Variants in CD28 observed in about 807,000 individuals in gnomAD.
The protein encoded by CD28 is T-cell-specific surface glycoprotein CD28.
A neutral mutation model predicts 21.4 loss-of-function variants in CD28; 8 were observed. That is an observed-to-expected ratio of 0.37 (90% CI 0.22 to 0.68). The LOEUF (loss-of-function observed/expected upper bound fraction) is 0.68, where lower values mean the gene tolerates loss of function less well. Among genes scored for constraint, CD28 ranks in the 30% least tolerant of loss-of-function variants. CD28 has a pLI of 0.55. For missense variants in CD28, 239 were observed against 272.2 expected (o/e 0.88, Z 0.86); for synonymous variants, 106 against 104.0 (o/e 1.02, Z -0.12).
At chr2:203,706,774 C>A in intron 1 of CD28, 26 bp downstream of exon 1, 1 of 1,547,392 alleles carries the variant, frequency 6.5e-7, no homozygotes, top group Non-Finnish European at 8.9e-7. Context: ...GTCTTTCTTT[C>A]TGTAAATATT....
Position 203,734,843 on chromosome 2 carries a change from C to A in CD28, c.594C>A (p.Arg198=), listed in dbSNP as rs1418317040. Residue 198 remains arginine (R), a synonymous_variant, in exon 4 of 4, where the codon CGC becomes CGA. Transcript: ENST00000324106. Reference sequence around the variant, plus strand: ...ACTACATGAACATGACTCCCCGCCGCCCCGGGCCCACCCGCAAGCATTACC... The same window carrying A: ...ACTACATGAACATGACTCCCCGCCGACCCGGGCCCACCCGCAAGCATTACC... ...HSDYMNMTPR[R]PGPTRKHYQP... 8.7e-6 allele frequency: 14 copies of A among 1,614,174 alleles called. No individual in the cohort carries two copies. The highest frequency in any genetic ancestry group is 1.0e-5 in the Non-Finnish European group (12 of 1,180,012).
chr2:203,723,282 T>G (rs768000342), intron 1 of CD28, among the ~76,000 whole-genome samples: 2 of 151,710 alleles, frequency 1.3e-5, no homozygotes, highest in African/African-American at 4.8e-5. Context: ...AGGTCAGGAG[T>G]TTGAGACCAG....
chr2:203,731,537 T>C (rs1482965944), intron 3 of CD28, among the ~76,000 whole-genome samples: 1 of 152,206 alleles, frequency 6.6e-6, no homozygotes, highest in Non-Finnish European at 1.5e-5. Flanking sequence ...ATTTACTAGC[T>C]CTGCAGAAAG....
intron 1 of CD28, among the ~76,000 whole-genome samples, chr2:203,718,100 C>T (rs779057334): frequency 6.6e-6 from 1 of 152,132 alleles, no homozygotes; most frequent in Non-Finnish European, 1.5e-5. Context: ...GTGAAAGGTG[C>T]TACAGTCTGG....
intron 1 of CD28, among the ~76,000 whole-genome samples, chr2:203,710,808 C>T (rs565317452): frequency 7.9e-5 from 12 of 152,264 alleles, no homozygotes; most frequent in African/African-American, 1.7e-4. Context: ...AATCAGAGGA[C>T]GGACACTCCT....
chr2:203,726,453 A>G (rs1406438162), intron 1 of CD28, among the ~76,000 whole-genome samples, 180 bp from the exon 2 acceptor site: 5 of 152,202 alleles, frequency 3.3e-5, no homozygotes, highest in African/African-American at 9.7e-5. Context: ...TGAAAATAAT[A>G]TTGAAATGTT....
Position 203,737,594 on chromosome 2 carries a change from T to C in CD28, c.*2682T>C, listed in dbSNP as rs1291578764. 6.6e-6 allele frequency: 1 copy of C among 152,636 alleles called. No homozygotes were observed. The highest frequency in any genetic ancestry group is 1.5e-5 in the Non-Finnish European group (1 of 68,046). 9.5% of individuals were successfully genotyped at this position (152,636 alleles called of 1,614,324 possible). ...CAGGGAAGTCCGTTTTCACTATTAG[T>C]ATGAACCAAGAAATGGTTCAAAAAC... On this transcript the variant is annotated 3_prime_UTR_variant, in exon 4 of 4. Coordinates refer to ENST00000324106, the MANE Select transcript of CD28 (RefSeq NM_006139.4).
chr2:203,728,078 G>A (rs904506648), intron 2 of CD28, among the ~76,000 whole-genome samples: 2 of 152,180 alleles, frequency 1.3e-5, no homozygotes, highest in South Asian at 2.1e-4. Context: ...CCAAAGTGCT[G>A]TGATTACAGG....
chr2:203,727,754 A>G (rs1693792254), intron 2 of CD28, among the ~76,000 whole-genome samples: 1 of 151,498 alleles, frequency 6.6e-6, no homozygotes, highest in South Asian at 2.1e-4. Context: ...ATCTCGGCTC[A>G]CTGCAAGCTC....
chr2:203,727,378 CT>C (rs1271128124), intron 2 of CD28, among the ~76,000 whole-genome samples: 1 of 151,938 alleles, frequency 6.6e-6, no homozygotes, highest in African/African-American at 2.4e-5. Context: ...CTAATTAATT[CT>C]TTTTTTGTGC....
intron 1 of CD28, among the ~76,000 whole-genome samples, chr2:203,707,384 A>C (rs1278826474): frequency 1.3e-5 from 2 of 152,158 alleles, no homozygotes. Context: ...ATTGTGAGGT[A>C]AAATGAAATA....
Position 203,735,627 on chromosome 2 carries a change from T to C in CD28, c.*715T>C, listed in dbSNP as rs896045594. ...ACTCCCTGTCATGAGACTTCAGTGT[T>C]AATGTTCACAATATACTTTCGAAAG... On this transcript the variant is annotated 3_prime_UTR_variant, in exon 4 of 4. Transcript: ENST00000324106. 4 of 152,638 alleles carry C rather than the reference T, an allele frequency of 2.6e-5. 1 individual carries two copies. Among genetic ancestry groups the C allele is most frequent in the African/African-American group, 9.6e-5 (4 of 41,460 alleles). The allele number at this position is 152,638 out of a possible 1,614,324, so 9.5% of individuals were successfully genotyped here.
At chr2:203,729,239 T>G (rs937204321) in intron 2 of CD28, among the ~76,000 whole-genome samples, 10 of 152,240 alleles carry the variant, frequency 6.6e-5, no homozygotes, top group Non-Finnish European at 1.2e-4. Context: ...CATATTAGGC[T>G]GATGATTTTC....
intron 1 of CD28, among the ~76,000 whole-genome samples, chr2:203,715,751 A>G (rs948705816): frequency 6.6e-6 from 1 of 152,000 alleles, no homozygotes; most frequent in African/African-American, 2.4e-5. Flanking sequence ...CTCTTAACTT[A>G]CCTCATTTTG....
Position 203,738,318 on chromosome 2 carries a change from CA to C in CD28, c.*3407del, listed in dbSNP as rs776762958. ...TTGCACTGCCAGCTGGGAACTATACCAGACCTGGATACTGATCCCAAAGTGT... is the reference window on the plus strand; with the variant it reads ...TTGCACTGCCAGCTGGGAACTATACCGACCTGGATACTGATCCCAAAGTGT... On this transcript the variant is annotated 3_prime_UTR_variant, in exon 4 of 4. Coordinates refer to ENST00000324106, the MANE Select transcript of CD28 (RefSeq NM_006139.4). 5 of 152,128 alleles carry C rather than the reference CA, an allele frequency of 3.3e-5. No homozygotes were observed. Among genetic ancestry groups the C allele is most frequent in the Non-Finnish European group, 5.9e-5 (4 of 68,034 alleles). 9.4% of individuals were successfully genotyped at this position (152,128 alleles called of 1,614,324 possible).
In CD28 at chr2:203,734,940, G is replaced by T. The variant is rs2106126454; in HGVS notation, c.*28G>T. Reference sequence around the variant, plus strand: ...CGGACGCCTATCCAGAAGCCAGCCGGCTGGCAGCCCCCATCTGCTCAATAT... The same window carrying T: ...CGGACGCCTATCCAGAAGCCAGCCGTCTGGCAGCCCCCATCTGCTCAATAT... On this transcript the variant is annotated 3_prime_UTR_variant, in exon 4 of 4. Transcript: ENST00000324106. 6.2e-7 allele frequency: 1 copy of T among 1,609,732 alleles called. No individual in the cohort carries two copies. Among genetic ancestry groups the T allele is most frequent in the East Asian group, 2.2e-5 (1 of 44,856 alleles).
intron 3 of CD28, among the ~76,000 whole-genome samples, chr2:203,731,108 CAA>C (rs10565150): frequency 0.011 from 1,619 of 152,290 alleles, 32 homozygotes; most frequent in African/African-American, 0.037. Flanking sequence ...GGGTAGGAAA[CAA>C]AGTGGTTGCT....
chr2:203,728,686 A>G (rs1427122651), intron 2 of CD28, among the ~76,000 whole-genome samples: 1 of 152,236 alleles, frequency 6.6e-6, no homozygotes, highest in African/African-American at 2.4e-5. Context: ...TTTTAATTGT[A>G]TCAAGTCAAA....
intron 1 of CD28, among the ~76,000 whole-genome samples, chr2:203,712,200 C>CAA (rs3835894): frequency 4.0e-4 from 60 of 151,008 alleles, no homozygotes; most frequent in South Asian, 1.1e-3. Context: ...TCAACAACAA[C>CAA]AAAAAAAAGA....
Sources: gnomAD v4.1 joint callset for allele counts (sites outside exome capture counted in the v4.1 genomes callset) on GRCh38, gnomAD v4.1.1 for gene constraint, MANE v1.5 for transcripts, NCBI Gene and HGNC (gene_info 2026-07-23, HGNC 2026-07-21) for gene names.